The following XKR4 variants were observed in gnomAD, a reference collection of about 807,000 sequenced individuals.
XKR4 encodes the protein XK related 4.
XKR4 carries 12 observed loss-of-function variants against 53.9 expected under a neutral mutation model. That is an observed-to-expected ratio of 0.22 (90% CI 0.14 to 0.36). XKR4 has a LOEUF of 0.36. Ranked by LOEUF, XKR4 falls within the 10% of genes least tolerant of loss-of-function variation. The pLI is 1.00. For missense variants in XKR4, 799 were observed against 859.5 expected (o/e 0.93, Z 0.88); for synonymous variants, 354 against 362.4 (o/e 0.98, Z 0.26).
intron 1 of XKR4, among the ~76,000 whole-genome samples, chr8:55,295,482 G>A (rs1563317896): frequency 1.3e-5 from 2 of 152,072 alleles, no homozygotes; most frequent in Non-Finnish European, 2.9e-5. Context: ...ACTATGTGCT[G>A]GTAGCAGGGA....
intron 2 of XKR4, among the ~76,000 whole-genome samples, chr8:55,441,578 C>T (rs911331482): frequency 6.6e-6 from 1 of 152,178 alleles, no homozygotes; most frequent in Non-Finnish European, 1.5e-5. Flanking sequence ...ATGCATGGAT[C>T]ATTTATGACA....
chr8:55,452,037 G>T (rs749683170), intron 2 of XKR4: 13 of 741,216 alleles, frequency 1.8e-5, no homozygotes, highest in South Asian at 1.0e-4. Flanking sequence ...CCAGGACAGG[G>T]TTCTGAGGGA....
chr8:55,318,088 C>A (rs981121726), intron 1 of XKR4, among the ~76,000 whole-genome samples: 1 of 152,086 alleles, frequency 6.6e-6, no homozygotes, highest in Non-Finnish European at 1.5e-5. Flanking sequence ...TGCTAAGTTG[C>A]CTCAATTGTT....
intron 2 of XKR4, among the ~76,000 whole-genome samples, chr8:55,436,339 AT>A (rs1465960077): frequency 6.6e-6 from 1 of 152,232 alleles, no homozygotes; most frequent in East Asian, 1.9e-4. Flanking sequence ...CTGATGTTAC[AT>A]CTCTGCTAAG....
chr8:55,140,134 C>T, intron 1 of XKR4: 2 of 429,134 alleles, frequency 4.7e-6, no homozygotes, highest in South Asian at 1.7e-5. Flanking sequence ...TGAAAATTCT[C>T]CCTCAGTTAT....
chr8:55,430,846 T>A (rs1379006882), intron 2 of XKR4, among the ~76,000 whole-genome samples: 1 of 152,206 alleles, frequency 6.6e-6, no homozygotes, highest in Non-Finnish European at 1.5e-5. Context: ...GGATTAGGAC[T>A]CACCCTTGTG....
At chr8:55,474,134 C>T (rs1162142209) in intron 2 of XKR4, among the ~76,000 whole-genome samples, 2 of 152,054 alleles carry the variant, frequency 1.3e-5, no homozygotes, top group African/African-American at 4.8e-5. Flanking sequence ...TGGTCTTGAA[C>T]TCCTGGCTCA....
Position 55,531,829 on chromosome 8 carries a change from C to G in XKR4, c.*7602C>G, listed in dbSNP as rs1051472282. ...CAGCATACTGGTTATTTAGGAATAA[C>G]AAATTTCTGGACATAAACATGAGCT... On this transcript the variant is annotated 3_prime_UTR_variant, in exon 3 of 3. Transcript: ENST00000327381. 6.6e-6 allele frequency: 1 copy of G among 152,216 alleles called. No individual in the cohort carries two copies. Among genetic ancestry groups the G allele is most frequent in the African/African-American group, 2.4e-5 (1 of 41,460 alleles). 9.4% of individuals were successfully genotyped at this position (152,216 alleles called of 1,614,324 possible).
intron 2 of XKR4, among the ~76,000 whole-genome samples, chr8:55,366,110 T>A (rs373634405): frequency 4.6e-5 from 7 of 152,244 alleles, no homozygotes; most frequent in South Asian, 2.1e-4. Context: ...CCAGTGATAA[T>A]AGGATGCTGA....
intron 1 of XKR4, among the ~76,000 whole-genome samples, chr8:55,265,257 G>A (rs902346295): frequency 1.3e-5 from 2 of 152,188 alleles, no homozygotes; most frequent in African/African-American, 4.8e-5. Context: ...CAACTGGTCA[G>A]GAAATAAAGA....
chr8:55,364,717 C>T (rs939462263), intron 2 of XKR4, among the ~76,000 whole-genome samples: 1 of 152,180 alleles, frequency 6.6e-6, no homozygotes, highest in African/African-American at 2.4e-5. Context: ...ACTGCAACCT[C>T]TGCCTCCCGA....
At chr8:55,306,051 G>C (rs1414911506) in intron 1 of XKR4, among the ~76,000 whole-genome samples, 1 of 152,212 alleles carries the variant, frequency 6.6e-6, no homozygotes, top group Non-Finnish European at 1.5e-5. Context: ...ATAAGATTTA[G>C]ATGATGCTTG....
At chr8:55,441,837 T>A (rs921580651) in intron 2 of XKR4, among the ~76,000 whole-genome samples, 1 of 152,120 alleles carries the variant, frequency 6.6e-6, no homozygotes, top group East Asian at 1.9e-4. Context: ...TATTATTACT[T>A]ATGAGGTATA....
chr8:55,123,345 A>C (rs1013430645), intron 1 of XKR4, among the ~76,000 whole-genome samples: 3 of 152,204 alleles, frequency 2.0e-5, no homozygotes, highest in Non-Finnish European at 4.4e-5. Context: ...TGTGAACCTC[A>C]TCCACAGAAA....
intron 2 of XKR4, among the ~76,000 whole-genome samples, chr8:55,440,472 T>A (rs1214118977): frequency 1.3e-5 from 2 of 152,196 alleles, no homozygotes; most frequent in Non-Finnish European, 2.9e-5. Flanking sequence ...AAAGGAGTTA[T>A]GATGTGGGAA....
At chr8:55,491,092 C>T (rs192692044) in intron 2 of XKR4, among the ~76,000 whole-genome samples, 3 of 152,236 alleles carry the variant, frequency 2.0e-5, no homozygotes, top group Admixed American at 6.5e-5. Context: ...CTGACTTTAT[C>T]TTATGAGGTC....
At chr8:55,253,668 T>G (rs1416936561) in intron 1 of XKR4, among the ~76,000 whole-genome samples, 1 of 152,134 alleles carries the variant, frequency 6.6e-6, no homozygotes, top group Non-Finnish European at 1.5e-5. Flanking sequence ...GGGGTTATTG[T>G]TTTTGTGACA....
chr8:55,400,660 C>A (rs1804585550), intron 2 of XKR4, among the ~76,000 whole-genome samples: 1 of 152,146 alleles, frequency 6.6e-6, no homozygotes, highest in African/African-American at 2.4e-5. Context: ...CTAATCTAAA[C>A]CCAAAAGGTC....
chr8:55,186,497 T>TA lies in XKR4; in HGVS notation c.806+83213dup, dbSNP rs569769462. ...GGTGAAACCCCGTCTCTACTAAAAA[T>TA]AAAAAAAAAATAGCCGGGCATGGTG... is the stretch of plus-strand genomic sequence containing the variant. On this transcript the variant is annotated intron_variant, in intron 1 of 2. Transcript: ENST00000327381. Among the ~76,000 whole-genome samples the TA allele has an allele frequency of 5.3e-3, 775 of 146,690 alleles. 4 individuals are homozygous for TA. Among genetic ancestry groups the TA allele is most frequent in the African/African-American group, 0.013 (503 of 40,060 alleles).
Sources: allele counts gnomAD v4.1 joint callset (sites outside exome capture counted in the v4.1 genomes callset), GRCh38; gene constraint gnomAD v4.1.1; transcripts MANE v1.5; gene names NCBI Gene and HGNC (gene_info 2026-07-23, HGNC 2026-07-21).